Variants in ANKRD12 observed in about 807,000 individuals in gnomAD.
ANKRD12 encodes ankyrin repeat domain-containing protein 12.
In ANKRD12, 85 loss-of-function variants were observed where a neutral mutation model predicts 183.4. The ratio of observed to expected loss-of-function variants is 0.46; its 90% CI spans 0.39 to 0.56. The LOEUF is 0.56. Ranked by LOEUF, ANKRD12 falls within the 20% of genes least tolerant of loss-of-function variation. The probability of loss-of-function intolerance (pLI) is 0.00; values close to 1 mark genes in which losing one functional copy is unlikely to be tolerated. For synonymous variants in ANKRD12, 914 were observed against 800.2 expected (o/e 1.14, Z -2.40); for missense variants, 2,405 against 2,357.1 (o/e 1.02, Z -0.42).
intron 9 of ANKRD12, among the ~76,000 whole-genome samples, chr18:9,262,627 T>G (rs2039036144): frequency 6.6e-6 from 1 of 151,442 alleles, no homozygotes; most frequent in Non-Finnish European, 1.5e-5. Context: ...ATCCAGCTAA[T>G]TTTTAAATTT....
intron 1 of ANKRD12, among the ~76,000 whole-genome samples, chr18:9,170,735 C>A (rs1020039391): frequency 2.6e-5 from 4 of 152,106 alleles, no homozygotes; most frequent in Non-Finnish European, 5.9e-5. Flanking sequence ...CAGCTTTGTT[C>A]CATTGCTGGT....
intron 8 of ANKRD12, among the ~76,000 whole-genome samples, chr18:9,246,833 CT>C (rs781268281): frequency 2.6e-5 from 4 of 152,054 alleles, no homozygotes; most frequent in Non-Finnish European, 5.9e-5. Flanking sequence ...TTAGTTAATC[CT>C]TAAAACAGTC....
At chr18:9,261,707 CTGTT>C (rs1406765109) in intron 9 of ANKRD12, among the ~76,000 whole-genome samples, 7 of 152,202 alleles carry the variant, frequency 4.6e-5, no homozygotes, top group Admixed American at 2.0e-4. Flanking sequence ...AGATACCATT[CTGTT>C]TGTTTTTGCA....
chr18:9,161,758 A>G (rs867177522), intron 1 of ANKRD12, among the ~76,000 whole-genome samples: 1 of 151,522 alleles, frequency 6.6e-6, no homozygotes, highest in Non-Finnish European at 1.5e-5. Flanking sequence ...GTGTGTATAT[A>G]TATATAAAAT....
chr18:9,138,713 AGAT>A lies in ANKRD12; in HGVS notation c.-52+1751_-52+1753del, dbSNP rs199749733. On this transcript the variant is annotated intron_variant, in intron 1 of 12. Transcript: ENST00000262126. ...AAATGAGGATAGTGTCCACCGTGTA[AGAT>A]GAAGTCGTTATATTAACAGTCTTGT... is the stretch of plus-strand genomic sequence containing the variant. Among the ~76,000 whole-genome samples the A allele has an allele frequency of 6.3e-3, 965 of 152,346 alleles. 7 individuals are homozygous for A. Among genetic ancestry groups the A allele is most frequent in the Middle Eastern group, 0.017 (5 of 294 alleles).
chr18:9,264,679 A>C (rs188517773), intron 10 of ANKRD12, among the ~76,000 whole-genome samples: 6 of 152,260 alleles, frequency 3.9e-5, no homozygotes, highest in Non-Finnish European at 8.8e-5. Flanking sequence ...TACAGAATTT[A>C]CAACACTGCA....
intron 2 of ANKRD12, among the ~76,000 whole-genome samples, chr18:9,185,911 A>G (rs1433117259): frequency 1.3e-5 from 2 of 152,224 alleles, no homozygotes; most frequent in African/African-American, 4.8e-5. Flanking sequence ...GACAGAATGC[A>G]ATGTTAGATT....
intron 1 of ANKRD12, among the ~76,000 whole-genome samples, chr18:9,169,711 C>T (rs2032487462): frequency 6.6e-6 from 1 of 152,208 alleles, no homozygotes; most frequent in Non-Finnish European, 1.5e-5. Context: ...GGCCCATTTA[C>T]ATTTAAAGTT....
chr18:9,275,303 A>AATAC (rs2039778356), intron 10 of ANKRD12, among the ~76,000 whole-genome samples: 2 of 150,268 alleles, frequency 1.3e-5, no homozygotes, highest in South Asian at 4.2e-4. Flanking sequence ...TGTCTCTAAA[A>AATAC]ATATATATAT....
At chr18:9,201,313 T>C (rs550776399) in intron 3 of ANKRD12, among the ~76,000 whole-genome samples, 1 of 152,218 alleles carries the variant, frequency 6.6e-6, no homozygotes, top group Non-Finnish European at 1.5e-5. Context: ...CTTAATTTCT[T>C]TCCTAGTCTT....
At position 9,255,793 on chromosome 18, in the gene ANKRD12, A is replaced by G. The variant is rs2038574885; in HGVS notation, c.2526A>G (p.Glu842=). 1 of 1,575,690 alleles carries G rather than the reference A, an allele frequency of 6.3e-7. No homozygotes were observed. The highest frequency in any genetic ancestry group is 8.5e-7 in the Non-Finnish European group (1 of 1,170,020). ...AGAAGATGGAAAGAAAAACCTTTGA[A>G]AAAGAAAAGAAGATAAAACATGAGC... ...DIEKMERKTF[E]KEKKIKHEHK... The change falls in exon 9 of 13, where the codon GAA becomes GAG. Residue 842 remains glutamate, a synonymous_variant. Coordinates refer to ENST00000262126, the MANE Select transcript of ANKRD12 (RefSeq NM_015208.5).
intron 10 of ANKRD12, among the ~76,000 whole-genome samples, chr18:9,270,490 T>C (rs917878392): frequency 5.9e-5 from 9 of 152,122 alleles, no homozygotes; most frequent in Non-Finnish European, 8.8e-5. Context: ...CTGGAAACCA[T>C]CATTCTCAGC....
chr18:9,221,675 G>A lies in ANKRD12; in HGVS notation c.796-177G>A, dbSNP rs547307191. ...TGTAGTAGTTGAGGTTATCAGATAG[G>A]GGAGTGTCAGTGAAAATGGATCTTG... On this transcript the variant is annotated intron_variant, in intron 7 of 12. Transcript: ENST00000262126. Among the ~76,000 whole-genome samples, 3 of 152,200 alleles carry A rather than the reference G, an allele frequency of 2.0e-5. No homozygotes were observed. In the East Asian group the frequency reaches 5.8e-4, roughly 29 times the overall value.
intron 1 of ANKRD12, among the ~76,000 whole-genome samples, chr18:9,165,869 C>CCA (rs2031997637): frequency 7.7e-6 from 1 of 130,324 alleles, no homozygotes; most frequent in African/African-American, 2.9e-5. Context: ...TCCCTCCCCC[C>CCA]CTCCCCCCAC....
chr18:9,211,233 C>G (rs764962896), intron 5 of ANKRD12, among the ~76,000 whole-genome samples: 8 of 152,124 alleles, frequency 5.3e-5, no homozygotes, highest in Non-Finnish European at 1.2e-4. Context: ...TTCACTTCCT[C>G]TAGGTCTTAG....
intron 10 of ANKRD12, among the ~76,000 whole-genome samples, chr18:9,264,490 G>A (rs186571055): frequency 5.7e-4 from 87 of 152,200 alleles, no homozygotes; most frequent in African/African-American, 1.6e-3. Context: ...AACAAAATTT[G>A]TATATAACTT....
chr18:9,209,573 A>G (rs1057159362), intron 5 of ANKRD12, among the ~76,000 whole-genome samples: 2 of 152,178 alleles, frequency 1.3e-5, no homozygotes, highest in Non-Finnish European at 2.9e-5. Context: ...TCTAAATATT[A>G]TAATTTCAAA....
At chr18:9,155,299 A>G (rs2030238879) in intron 1 of ANKRD12, among the ~76,000 whole-genome samples, 1 of 152,230 alleles carries the variant, frequency 6.6e-6, no homozygotes, top group African/African-American at 2.4e-5. Flanking sequence ...GGTTGTTTGT[A>G]ACACAAAGGA....
chr18:9,229,139 C>T (rs573155497), intron 8 of ANKRD12, among the ~76,000 whole-genome samples: 6 of 152,086 alleles, frequency 3.9e-5, no homozygotes, highest in Non-Finnish European at 8.8e-5. Flanking sequence ...AGATTTATTT[C>T]TGGGTTCTCT....
Sources: allele counts gnomAD v4.1 joint callset (sites outside exome capture counted in the v4.1 genomes callset), GRCh38; gene constraint gnomAD v4.1.1; transcripts MANE v1.5; gene names NCBI Gene and HGNC (gene_info 2026-07-23, HGNC 2026-07-21).